Variants in KCNH8 observed in about 807,000 individuals in gnomAD.
KCNH8 encodes the protein voltage-gated delayed rectifier potassium channel KCNH8.
In KCNH8, 70 loss-of-function variants were observed where a neutral mutation model predicts 103.6. The observed-to-expected ratio is 0.68, with a 90% CI of 0.56 to 0.82. KCNH8 has a LOEUF of 0.82. KCNH8 is among the 40% of genes least tolerant of loss of function. The pLI is 0.00. For synonymous variants in KCNH8, 498 were observed against 489.4 expected, an observed-to-expected ratio of 1.02 and a Z score of -0.23; for missense variants, 1,217 against 1,329.9, an observed-to-expected ratio of 0.92 and a Z score of 1.32.
At chr3:19,512,926 C>T (rs376218900) in intron 12 of KCNH8, 44 bp from the exon 13 acceptor site, 73 of 1,546,786 alleles carry the variant, frequency 4.7e-5, no homozygotes, top group African/African-American at 8.3e-5. Context: ...ACCTTTTCTG[C>T]GGTTTTTGCA....
intron 13 of KCNH8, among the ~76,000 whole-genome samples, chr3:19,514,240 T>C (rs970248239): frequency 1.3e-5 from 2 of 151,636 alleles, no homozygotes; most frequent in African/African-American, 4.9e-5. Context: ...TACTATATTT[T>C]TATTATTTAT....
intron 5 of KCNH8, among the ~76,000 whole-genome samples, chr3:19,387,471 C>G (rs1350472117): frequency 6.6e-6 from 1 of 152,102 alleles, no homozygotes; most frequent in Non-Finnish European, 1.5e-5. Context: ...GAGAGGATGG[C>G]ATGGGAAATA....
At chr3:19,439,690 T>G (rs1224593393) in intron 8 of KCNH8, among the ~76,000 whole-genome samples, 2 of 152,128 alleles carry the variant, frequency 1.3e-5, no homozygotes, top group Non-Finnish European at 2.9e-5. Context: ...ATTAATAAAG[T>G]TATTGCTGTT....
chr3:19,226,128 T>G (rs2063928360), intron 1 of KCNH8, among the ~76,000 whole-genome samples: 1 of 152,220 alleles, frequency 6.6e-6, no homozygotes, highest in South Asian at 2.1e-4. Context: ...TTGTAAGGCA[T>G]AATTTGAAAA....
chr3:19,225,946 TTA>T (rs1445718233), intron 1 of KCNH8, among the ~76,000 whole-genome samples: 8 of 152,216 alleles, frequency 5.3e-5, no homozygotes, highest in Non-Finnish European at 7.3e-5. Context: ...TTATAGGTGT[TTA>T]TTATGAATTC....
intron 10 of KCNH8, among the ~76,000 whole-genome samples, chr3:19,456,029 T>C (rs947298588): frequency 2.0e-5 from 3 of 152,074 alleles, no homozygotes; most frequent in East Asian, 3.9e-4. Flanking sequence ...TAATGAAATA[T>C]ACAAGAAACA....
rs780501726 is a variant in KCNH8 at position 19,534,036 on chromosome 3, C to T, written c.3261C>T (p.Asn1087=). ...CAGCTTCTACAAAACCTTTGGAGAACCTTCCACTGGAAGTTGTCACAAGCA... is the reference window on the plus strand; with the variant it reads ...CAGCTTCTACAAAACCTTTGGAGAATCTTCCACTGGAAGTTGTCACAAGCA... ...MASASTKPLE[N]LPLEVVTSTA... Residue 1087 remains asparagine (N), a synonymous_variant, in exon 16 of 16, where the codon AAC becomes AAT. Transcript: ENST00000328405. The T allele has an allele frequency of 6.2e-7, 1 of 1,614,150 alleles. No individual in the cohort carries two copies. The highest frequency in any genetic ancestry group is 8.5e-7 in the Non-Finnish European group (1 of 1,180,004).
At chr3:19,369,490 T>A (rs941428788) in intron 5 of KCNH8, among the ~76,000 whole-genome samples, 3 of 151,980 alleles carry the variant, frequency 2.0e-5, no homozygotes, top group African/African-American at 7.2e-5. Context: ...CACACACTCA[T>A]CATGGGAGAT....
chr3:19,314,240 T>C lies in KCNH8; in HGVS notation c.443-28347T>C, dbSNP rs2065244098. On this transcript the variant is annotated intron_variant, in intron 3 of 15. Coordinates refer to ENST00000328405, the MANE Select transcript of KCNH8 (RefSeq NM_144633.3). ...TTTATGTAAAAGATATGATAGTAAA[T>C]ATTGTGGGCTTTATGGACCATATAA... 2.6e-5 allele frequency among the ~76,000 whole-genome samples: 4 copies of C among 151,886 alleles called. No individual in the cohort carries two copies. The South Asian group carries it at 6.2e-4, about 24-fold the overall frequency.
chr3:19,374,611 G>A (rs1265899139), intron 5 of KCNH8, among the ~76,000 whole-genome samples: 1 of 151,794 alleles, frequency 6.6e-6, no homozygotes, highest in East Asian at 1.9e-4. Context: ...TACATTTAAG[G>A]TTAATATTGT....
chr3:19,430,495 A>T (rs1368074676), intron 7 of KCNH8, among the ~76,000 whole-genome samples: 2 of 152,154 alleles, frequency 1.3e-5, no homozygotes, highest in South Asian at 2.1e-4. Flanking sequence ...TGAATTTAAA[A>T]ATAGTTTTCT....
intron 3 of KCNH8, among the ~76,000 whole-genome samples, chr3:19,311,200 A>T (rs1429095546): frequency 6.6e-6 from 1 of 151,796 alleles, no homozygotes; most frequent in African/African-American, 2.4e-5. Flanking sequence ...ATGACAACTA[A>T]CATTGATTGA....
rs372970325 is a variant in KCNH8 at position 19,496,316 on chromosome 3, T to C, written c.2041-14047T>C. Among the ~76,000 whole-genome samples, 23 of 152,342 alleles carry C rather than the reference T, an allele frequency of 1.5e-4. No individual in the cohort carries two copies. The East Asian group carries it at 3.7e-3, about 24-fold the overall frequency. ...TCTAGCTTTTGCCCATTTAGTATTA[T>C]GTTGGCTGTGGATTTGTTATAGATG... On this transcript the variant is annotated intron_variant, in intron 11 of 15. Coordinates refer to ENST00000328405, the MANE Select transcript of KCNH8 (RefSeq NM_144633.3).
At chr3:19,390,357 C>A (rs753286164) in intron 5 of KCNH8, 124 bp from the exon 6 acceptor site, 1 of 697,258 alleles carries the variant, frequency 1.4e-6, no homozygotes. Flanking sequence ...TTCTTCCTCC[C>A]TTCCTTCCTG....
intron 15 of KCNH8, among the ~76,000 whole-genome samples, chr3:19,523,721 T>C (rs2069012657): frequency 6.6e-6 from 1 of 151,952 alleles, no homozygotes. Flanking sequence ...TAAGCTTTTG[T>C]ATATCCTAAA....
At chr3:19,515,213 T>C (rs1442035572) in intron 13 of KCNH8, 109 bp from the exon 14 acceptor site, 3 of 580,658 alleles carry the variant, frequency 5.2e-6, no homozygotes. Flanking sequence ...AGCTCAGCTC[T>C]AGAGCATCTA....
chr3:19,418,944 G>C (rs910320240), intron 7 of KCNH8, among the ~76,000 whole-genome samples: 1 of 152,084 alleles, frequency 6.6e-6, no homozygotes, highest in African/African-American at 2.4e-5. Flanking sequence ...TTCCATAACA[G>C]GGTTTTGGCA....
In KCNH8 at chr3:19,418,366, G is replaced by T. The variant is rs547771916; in HGVS notation, c.1178-19798G>T. 3.9e-5 allele frequency among the ~76,000 whole-genome samples: 6 copies of T among 152,284 alleles called. No homozygotes were observed. In the South Asian group the frequency reaches 1.2e-3, roughly 32 times the overall value. ...GTTAATGAAATTAAGTTCTGAAAAA[G>T]GTGGAGAATGCAAGTCTCATCTGAA... On this transcript the variant is annotated intron_variant, in intron 7 of 15. Transcript: ENST00000328405.
intron 1 of KCNH8, among the ~76,000 whole-genome samples, chr3:19,220,052 A>G (rs780708163): frequency 5.3e-5 from 8 of 152,170 alleles, no homozygotes; most frequent in Non-Finnish European, 8.8e-5. Context: ...CTCGTAGCCA[A>G]TGTGTCAGGA....
Sources: allele counts gnomAD v4.1 joint callset (sites outside exome capture counted in the v4.1 genomes callset), GRCh38; gene constraint gnomAD v4.1.1; transcripts MANE v1.5; gene names NCBI Gene and HGNC (gene_info 2026-07-23, HGNC 2026-07-21).